The following MRTFA variants were observed in gnomAD, a reference collection of about 807,000 sequenced individuals.
MRTFA encodes myocardin-related transcription factor A.
In MRTFA, 20 loss-of-function variants were observed where a neutral mutation model predicts 83.5. The ratio of observed to expected loss-of-function variants is 0.24; its 90% confidence interval spans 0.17 to 0.35. The LOEUF (loss-of-function observed/expected upper bound fraction) is 0.35, where lower values mean the gene tolerates loss of function less well. Among genes scored for constraint, MRTFA ranks in the 10% least tolerant of loss-of-function variants. The pLI is 1.00. For synonymous variants in MRTFA, 659 were observed against 541.2 expected (o/e 1.22, Z -3.02); for missense variants, 1,200 against 1,224.7 (o/e 0.98, Z 0.30).
At chr22:40,552,877 G>T (rs984117712) in intron 2 of MRTFA, among the ~76,000 whole-genome samples, 2 of 152,356 alleles carry the variant, frequency 1.3e-5, no homozygotes, top group East Asian at 3.9e-4. Context: ...AGTTTAGAGG[G>T]CTAAGAAGAA....
chr22:40,560,600 C>T lies in MRTFA; in HGVS notation c.-21-8233G>A, dbSNP rs568589504. Among the ~76,000 whole-genome samples, 12 of 152,278 alleles carry T rather than the reference C, an allele frequency of 7.9e-5. No homozygotes were observed. The East Asian group carries it at 1.9e-3, about 24-fold the overall frequency. On this transcript the variant is annotated intron_variant, in intron 2 of 14. Transcript: ENST00000355630. ...TGTATTTACTGTAAAACCTGAATCA[C>T]TTTTTAGAGTTGTAATTTATAACTC...
intron 4 of MRTFA, among the ~76,000 whole-genome samples, chr22:40,435,923 A>G (rs1219708987): frequency 6.6e-6 from 1 of 150,410 alleles, no homozygotes; most frequent in Non-Finnish European, 1.5e-5. Flanking sequence ...CAACAGAGCG[A>G]GAAACCGTCC....
chr22:40,458,365 T>C (rs909992641), intron 4 of MRTFA, among the ~76,000 whole-genome samples: 2 of 152,228 alleles, frequency 1.3e-5, no homozygotes, highest in Admixed American at 6.5e-5. Flanking sequence ...ACAGTTGAGA[T>C]GCTATGATCA....
At position 40,493,555 on chromosome 22, in the gene MRTFA, A is replaced by C. The variant is rs567597653; in HGVS notation, c.242-30269T>G. Among the ~76,000 whole-genome samples, 5 of 152,346 alleles carry C rather than the reference A, an allele frequency of 3.3e-5. No individual in the cohort carries two copies. In the South Asian group the frequency reaches 6.2e-4, roughly 19 times the overall value. On this transcript the variant is annotated intron_variant, in intron 3 of 14. Transcript: ENST00000355630. Reference sequence around the variant, plus strand: ...TGGAAAGAAAAGGAAAAGGAAAATGAAAGAGGAAAAATTTACATGAGAAAT... The same window carrying C: ...TGGAAAGAAAAGGAAAAGGAAAATGCAAGAGGAAAAATTTACATGAGAAAT...
At chr22:40,491,132 TG>T (rs2054265789) in intron 3 of MRTFA, among the ~76,000 whole-genome samples, 1 of 152,162 alleles carries the variant, frequency 6.6e-6, no homozygotes, top group Non-Finnish European at 1.5e-5. Flanking sequence ...CGCTTAAGGC[TG>T]GGGTTCAAGA....
intron 4 of MRTFA, among the ~76,000 whole-genome samples, chr22:40,452,499 C>T (rs889751680): frequency 6.6e-6 from 1 of 152,210 alleles, no homozygotes; most frequent in African/African-American, 2.4e-5. Flanking sequence ...ACTTTTTAGA[C>T]ATCAAACTGT....
intron 2 of MRTFA, among the ~76,000 whole-genome samples, chr22:40,585,975 C>T (rs985656165): frequency 6.6e-6 from 1 of 152,090 alleles, no homozygotes; most frequent in Non-Finnish European, 1.5e-5. Flanking sequence ...TTGCACTGCA[C>T]CTAATAAGGG....
intron 4 of MRTFA, among the ~76,000 whole-genome samples, chr22:40,460,276 A>G (rs1200459677): frequency 1.3e-5 from 2 of 152,166 alleles, no homozygotes; most frequent in Non-Finnish European, 1.5e-5. Context: ...TAAGGAGACT[A>G]ATAGATAAAT....
intron 3 of MRTFA, among the ~76,000 whole-genome samples, chr22:40,476,419 C>T (rs534106518): frequency 4.6e-5 from 7 of 152,126 alleles, no homozygotes; most frequent in African/African-American, 1.7e-4. Context: ...TGTTTCCTCT[C>T]CTGCTTCTTA....
At chr22:40,439,904 C>G (rs2053241905) in intron 4 of MRTFA, 3 of 154,300 alleles carry the variant, frequency 1.9e-5, no homozygotes, top group Admixed American at 1.3e-4. Flanking sequence ...GTAATCCCAG[C>G]ACTCTGGGAG....
intron 14 of MRTFA, chr22:40,412,187 C>G (rs1445686389): frequency 3.6e-6 from 1 of 278,630 alleles, no homozygotes; most frequent in East Asian, 5.9e-5. Flanking sequence ...AAGATTTGAA[C>G]AGACATTTTT....
At chr22:40,525,766 T>A (rs1043764461) in intron 3 of MRTFA, among the ~76,000 whole-genome samples, 1 of 152,062 alleles carries the variant, frequency 6.6e-6, no homozygotes. Context: ...AAAAATATCC[T>A]AATGATTTTG....
chr22:40,625,300 T>C (rs1465444814), intron 1 of MRTFA, among the ~76,000 whole-genome samples: 1 of 150,262 alleles, frequency 6.7e-6, no homozygotes, highest in Non-Finnish European at 1.5e-5. Context: ...GGCAACAGAG[T>C]GAGACACCTG....
chr22:40,486,162 T>C (rs1342411140), intron 3 of MRTFA, among the ~76,000 whole-genome samples: 2 of 152,198 alleles, frequency 1.3e-5, no homozygotes, highest in African/African-American at 4.8e-5. Flanking sequence ...GTGTACCTTC[T>C]TCATCCCCAC....
chr22:40,611,691 G>A (rs1223372546), intron 1 of MRTFA, among the ~76,000 whole-genome samples: 1 of 152,158 alleles, frequency 6.6e-6, no homozygotes, highest in Non-Finnish European at 1.5e-5. Context: ...AGTACAGAAT[G>A]ATAACCAGTA....
At chr22:40,515,771 T>C (rs925836483) in intron 3 of MRTFA, among the ~76,000 whole-genome samples, 1 of 152,208 alleles carries the variant, frequency 6.6e-6, no homozygotes, top group South Asian at 2.1e-4. Context: ...AGGACAAATA[T>C]TGACTGCAGG....
At chr22:40,425,934 C>T (rs2052944972) in intron 7 of MRTFA, among the ~76,000 whole-genome samples, 2 of 152,176 alleles carry the variant, frequency 1.3e-5, no homozygotes, top group Middle Eastern at 3.4e-3. Flanking sequence ...AAGATGGGGT[C>T]CCTGCCCTCC....
intron 1 of MRTFA, among the ~76,000 whole-genome samples, chr22:40,629,017 C>T (rs1248547193): frequency 1.3e-5 from 2 of 152,104 alleles, no homozygotes; most frequent in Admixed American, 6.6e-5. Flanking sequence ...TGGCCAGGCA[C>T]GGTGGCTCAC....
Position 40,420,544 on chromosome 22 carries a change from G to A in MRTFA, c.1214C>T (p.Thr405Ile), listed in dbSNP as rs149008596. The A allele has an allele frequency of 1.2e-6, 2 of 1,613,624 alleles. No homozygotes were observed. Among genetic ancestry groups the A allele is most frequent in the Admixed American group, 1.7e-5 (1 of 60,032 alleles). The change falls in exon 11 of 15, where the codon ACC becomes ATC. Residue 405 changes from threonine to isoleucine, a missense_variant. Thr to Ile is a moderately conservative substitution (Grantham distance 89). Around this residue, in one of 2 missense-constraint regions of MRTFA, gnomAD observed 1,107 missense variants for 1,041.8 expected, o/e 1.06. Coordinates refer to ENST00000355630, the MANE Select transcript of MRTFA (RefSeq NM_020831.6). ...AGTGGAGAGGCTGCGTACTGGGGGG[G>A]TCCCGCTGCTTCCCAGGGCCTCGCC...
Sources: allele counts gnomAD v4.1 joint callset (sites outside exome capture counted in the v4.1 genomes callset), GRCh38; gene constraint gnomAD v4.1.1; regional missense constraint gnomAD v4.1.1; transcripts MANE v1.5; gene names NCBI Gene and HGNC (gene_info 2026-07-23, HGNC 2026-07-21).